Variants in PSD3 observed in about 807,000 individuals in gnomAD.
The protein encoded by PSD3 is pleckstrin and Sec7 domain containing 3.
A neutral mutation model predicts 105.5 loss-of-function variants in PSD3; 49 were observed. That is an observed-to-expected ratio of 0.46 (90% CI 0.37 to 0.59). PSD3 has a LOEUF of 0.59. PSD3 is among the 20% of genes least tolerant of loss of function. The pLI, the probability that PSD3 is intolerant of heterozygous loss-of-function variation, is 0.00. For synonymous variants in PSD3, 557 were observed against 457.8 expected (o/e 1.22, Z -2.77); for missense variants, 1,561 against 1,263.8 (o/e 1.24, Z -3.57).
chr8:18,782,616 G>A (rs76101588), intron 8 of PSD3, among the ~76,000 whole-genome samples: 3,273 of 152,326 alleles, frequency 0.021, 157 homozygotes, highest in East Asian at 0.14. Flanking sequence ...ATTGGTAAAA[G>A]CAGGTCAGGA....
At chr8:18,750,230 C>T (rs1433068312) in intron 9 of PSD3, among the ~76,000 whole-genome samples, 3 of 152,180 alleles carry the variant, frequency 2.0e-5, no homozygotes, top group Non-Finnish European at 2.9e-5. Flanking sequence ...AATGAAGCCG[C>T]GGACCCTCGC....
At chr8:18,646,624 C>CTTAAAT (rs1808056505) in intron 10 of PSD3, among the ~76,000 whole-genome samples, 4 of 151,566 alleles carry the variant, frequency 2.6e-5, no homozygotes, top group Admixed American at 2.6e-4. Context: ...AAATGAAAGG[C>CTTAAAT]GACAAATTAT....
intron 9 of PSD3, among the ~76,000 whole-genome samples, chr8:18,727,514 G>A (rs1312101573): frequency 2.5e-5 from 3 of 122,104 alleles, no homozygotes; most frequent in Non-Finnish European, 3.4e-5. Flanking sequence ...CATCTCAATC[G>A]ATCAATCAAT....
intron 1 of PSD3, among the ~76,000 whole-genome samples, chr8:18,952,386 C>G (rs1057465841): frequency 2.6e-5 from 4 of 152,158 alleles, no homozygotes; most frequent in Non-Finnish European, 5.9e-5. Context: ...GGAAAAATAA[C>G]AGAGCTCCAA....
intron 1 of PSD3, among the ~76,000 whole-genome samples, chr8:18,998,968 C>T (rs1163291566): frequency 1.3e-5 from 2 of 151,826 alleles, no homozygotes; most frequent in African/African-American, 4.8e-5. Context: ...TTTTTATAAA[C>T]CACATTTCTT....
At chr8:19,068,262 C>A (rs1161289309) in intron 1 of PSD3, among the ~76,000 whole-genome samples, 1 of 151,578 alleles carries the variant, frequency 6.6e-6, no homozygotes, top group East Asian at 1.9e-4. Context: ...TTCAGATGGC[C>A]TTTCTTCTCG....
At chr8:18,780,506 G>T (rs1382917464) in intron 8 of PSD3, among the ~76,000 whole-genome samples, 1 of 151,932 alleles carries the variant, frequency 6.6e-6, no homozygotes, top group Non-Finnish European at 1.5e-5. Context: ...TCTTATCATT[G>T]TGGTTTGCTG....
chr8:19,020,144 T>C (rs888546311), intron 1 of PSD3, among the ~76,000 whole-genome samples: 1 of 152,218 alleles, frequency 6.6e-6, no homozygotes, highest in African/African-American at 2.4e-5. Context: ...TTACTGACTC[T>C]AGCGGAGCAC....
intron 1 of PSD3, among the ~76,000 whole-genome samples, chr8:18,941,808 G>A (rs369355041): frequency 2.6e-5 from 4 of 151,584 alleles, no homozygotes; most frequent in South Asian, 4.2e-4. Context: ...GAGTAGCTGG[G>A]ATTACAAGCA....
In PSD3 at chr8:18,936,050, C is replaced by T. The variant is rs755049106; in HGVS notation, c.114G>A (p.Gly38=). ...KYEFLFGRSE[G]KAPDTSDHGG... Reference sequence around the variant, plus strand: ...AATACTTACTAGTATCTGGAGCTTTCCCTTCAGATCTGCCAAATAAAAATT... The same window carrying T: ...AATACTTACTAGTATCTGGAGCTTTTCCTTCAGATCTGCCAAATAAAAATT... The change falls in exon 2 of 16, where the codon GGG becomes GGA. Residue 38 remains glycine (G), a synonymous_variant. Coordinates refer to ENST00000327040, the MANE Select transcript of PSD3 (RefSeq NM_015310.4). The T allele has an allele frequency of 2.0e-5, 32 of 1,608,858 alleles. No individual in the cohort carries two copies. In the Admixed American group the frequency reaches 5.2e-4, roughly 26 times the overall value.
chr8:18,740,871 G>A (rs950261362), intron 9 of PSD3, among the ~76,000 whole-genome samples: 2 of 152,048 alleles, frequency 1.3e-5, no homozygotes, highest in African/African-American at 2.4e-5. Context: ...AGCTGCTTCC[G>A]GGTTCAGCAC....
At chr8:18,646,088 T>C (rs766313917) in intron 10 of PSD3, among the ~76,000 whole-genome samples, 3 of 152,208 alleles carry the variant, frequency 2.0e-5, no homozygotes, top group East Asian at 3.8e-4. Flanking sequence ...TAGACAGCAA[T>C]GACACTGAGA....
chr8:19,054,100 C>T (rs767045703), intron 1 of PSD3, among the ~76,000 whole-genome samples: 4 of 152,164 alleles, frequency 2.6e-5, no homozygotes, highest in African/African-American at 4.8e-5. Context: ...CCTGAAACTC[C>T]CCTTCATGGG....
At chr8:18,855,196 A>C (rs1218010987) in intron 4 of PSD3, among the ~76,000 whole-genome samples, 6 of 152,208 alleles carry the variant, frequency 3.9e-5, no homozygotes, top group Non-Finnish European at 1.5e-5. Context: ...TTACTTTCTA[A>C]ACAGAAGTGG....
intron 9 of PSD3, among the ~76,000 whole-genome samples, chr8:18,761,527 G>A (rs1430631079): frequency 1.3e-5 from 2 of 152,114 alleles, no homozygotes; most frequent in Non-Finnish European, 2.9e-5. Flanking sequence ...GTAGTCCCCT[G>A]ACTATTAAGA....
At chr8:18,702,810 C>T (rs1585667127) in intron 9 of PSD3, among the ~76,000 whole-genome samples, 1 of 152,104 alleles carries the variant, frequency 6.6e-6, no homozygotes, top group Admixed American at 6.5e-5. Flanking sequence ...GACAGGGTTT[C>T]ACCATGTTAG....
intron 1 of PSD3, among the ~76,000 whole-genome samples, chr8:18,951,182 C>T (rs1823214568): frequency 6.6e-6 from 1 of 151,824 alleles, no homozygotes; most frequent in Non-Finnish European, 1.5e-5. Flanking sequence ...GTTGCTTGAG[C>T]CCAGGAGTTC....
rs1042137084 is a variant in PSD3, at chr8:18,545,477, G to GA, written c.2929-9520dup. Among the ~76,000 whole-genome samples, 239 of 145,768 alleles carry GA rather than the reference G, an allele frequency of 1.6e-3. 1 individual carries two copies. The highest frequency in any genetic ancestry group is 6.8e-3 in the South Asian group (31 of 4,592). Reference sequence around the variant, plus strand: ...ACCGAGTTTGTTGTTCAACAAAATGGAAAAAAAAAAATTAGCCTCTGAAAC... The same window carrying GA: ...ACCGAGTTTGTTGTTCAACAAAATGGAAAAAAAAAAAATTAGCCTCTGAAAC... On this transcript the variant is annotated intron_variant, in intron 15 of 15. Coordinates refer to ENST00000327040, the MANE Select transcript of PSD3 (RefSeq NM_015310.4).
chr8:19,038,728 C>T (rs1207470635), intron 1 of PSD3, among the ~76,000 whole-genome samples: 2 of 152,148 alleles, frequency 1.3e-5, no homozygotes, highest in African/African-American at 4.8e-5. Flanking sequence ...TCCGAAGGTG[C>T]TGTGAAGGTG....
Sources: allele counts gnomAD v4.1 joint callset (sites outside exome capture counted in the v4.1 genomes callset), GRCh38; gene constraint gnomAD v4.1.1; transcripts MANE v1.5; gene names NCBI Gene and HGNC (gene_info 2026-07-23, HGNC 2026-07-21).